ZNF286A: variants seen among roughly 807,000 people sequenced by gnomAD.
ZNF286A encodes zinc finger protein 286A.
In ZNF286A, 34 loss-of-function variants were observed where a neutral mutation model predicts 49.3. The observed-to-expected ratio is 0.69, with a 90% CI of 0.52 to 0.92. The LOEUF is 0.92. ZNF286A is among the 40% of genes least tolerant of loss of function. The probability of loss-of-function intolerance (pLI) is 0.00; values close to 1 mark genes in which losing one functional copy is unlikely to be tolerated. For synonymous variants in ZNF286A, 155 were observed against 200.4 expected (o/e 0.77, Z 1.91); for missense variants, 462 against 600.2 (o/e 0.77, Z 2.41).
In ZNF286A at chr17:15,717,893, C is replaced by T. The variant is rs1285911166; in HGVS notation, c.*603C>T. 4.7e-5 allele frequency: 7 copies of T among 150,024 alleles called. No homozygotes were observed. The highest frequency in any genetic ancestry group is 2.0e-4 in the Admixed American group (3 of 15,052). The allele number at this position is 150,024 out of a possible 1,614,324, so 9.3% of individuals were successfully genotyped here. On this transcript the variant is annotated 3_prime_UTR_variant, in exon 6 of 6. Coordinates refer to ENST00000583566, the MANE Select transcript of ZNF286A (RefSeq NM_001130842.2). Reference sequence around the variant, plus strand: ...TGGGATGTATAATATTTACAGACAACTCTAAGTTACGTTCACATGGATTAT... The same window carrying T: ...TGGGATGTATAATATTTACAGACAATTCTAAGTTACGTTCACATGGATTAT...
chr17:15,712,082 C>T (rs533925585), intron 5 of ZNF286A, among the ~76,000 whole-genome samples: 63 of 152,260 alleles, frequency 4.1e-4, no homozygotes, highest in African/African-American at 1.4e-3. Flanking sequence ...CCGTGTTAGC[C>T]GGGATGATCT....
At chr17:15,710,071 T>C (rs1345293683) in intron 5 of ZNF286A, 1 of 565,530 alleles carries the variant, frequency 1.8e-6, no homozygotes, top group African/African-American at 1.9e-5. Flanking sequence ...TTCAAGTTTC[T>C]TGTGAGTTAC....
intron 5 of ZNF286A, among the ~76,000 whole-genome samples, chr17:15,708,809 TTTTTG>T (rs1806062967): frequency 6.6e-6 from 1 of 152,242 alleles, no homozygotes; most frequent in Non-Finnish European, 1.5e-5. Context: ...ATTGTATAAT[TTTTTG>T]TTTTGTTAAT....
Position 15,719,127 on chromosome 17 carries a change from G to GCA in ZNF286A, c.*1837_*1838insCA, listed in dbSNP as rs1567717398. On this transcript the variant is annotated 3_prime_UTR_variant, in exon 6 of 6. Transcript: ENST00000583566. ...TTGGGTGGGGATACAGATCTAAACT[G>GCA]TATCATTACTCAAAAAAAAAAAAAA... 3 of 89,788 alleles carry GCA rather than the reference G, an allele frequency of 3.3e-5. No individual in the cohort carries two copies. Among genetic ancestry groups the GCA allele is most frequent in the African/African-American group, 1.6e-4 (3 of 19,072 alleles). The allele number at this position is 89,788 out of a possible 1,614,324, so 5.6% of individuals were successfully genotyped here.
At position 15,708,232 on chromosome 17, in the gene ZNF286A, A is replaced by C. The variant is rs140243513; in HGVS notation, c.319A>C (p.Lys107Gln). The C allele has an allele frequency of 1.9e-3, 3,098 of 1,590,144 alleles. 4 individuals are homozygous for C. The highest frequency in any genetic ancestry group is 3.1e-3 in the Admixed American group (176 of 57,052). ...EPLKLERKAP[K>Q]SSYSDMETRP... ...ATTGAAGCTTGAGAGAAAAGCCCCCAAAAGCAGCTATTCAGGTGAGCCAGA... is the reference window on the plus strand; with the variant it reads ...ATTGAAGCTTGAGAGAAAAGCCCCCCAAAGCAGCTATTCAGGTGAGCCAGA... The change falls in exon 5 of 6, where the codon AAA (lysine) becomes CAA (glutamine). Residue 107 changes from lysine to glutamine, a missense_variant. Around this residue, in one of 3 missense-constraint regions of ZNF286A, gnomAD observed 259 missense variants for 272.2 expected, o/e 0.95. Coordinates refer to ENST00000583566, the MANE Select transcript of ZNF286A (RefSeq NM_001130842.2).
At position 15,717,145 on chromosome 17, in the gene ZNF286A, C is replaced by G. The variant is rs1458279439; in HGVS notation, c.1421C>G (p.Ala474Gly). 2 of 1,613,192 alleles carry G rather than the reference C, an allele frequency of 1.2e-6. No homozygotes were observed. The highest frequency in any genetic ancestry group is 4.5e-5 in the East Asian group (2 of 44,846). Reference protein sequence around the residue: ...KPYKCSECGKAFIHSSALIQH... With the variant: ...KPYKCSECGKGFIHSSALIQH... ...TACAAATGTAGCGAGTGTGGAAAAG[C>G]CTTCATTCATTCATCAGCTCTCATT... The change falls in exon 6 of 6, where the codon GCC becomes GGC. Residue 474 changes from alanine (A) to glycine (G), a missense_variant. Physicochemically the swap from Ala to Gly is moderately conservative, Grantham distance 60. Around this residue, in one of 3 missense-constraint regions of ZNF286A, gnomAD observed 201 missense variants for 311.3 expected, o/e 0.65. Coordinates refer to ENST00000583566, the MANE Select transcript of ZNF286A (RefSeq NM_001130842.2).
chr17:15,705,806 C>T (rs530104417), intron 3 of ZNF286A, among the ~76,000 whole-genome samples: 3 of 152,248 alleles, frequency 2.0e-5, no homozygotes, highest in Admixed American at 6.5e-5. Flanking sequence ...TATAATCTTA[C>T]GATATTTTAT....
At chr17:15,708,096 C>T in intron 4 of ZNF286A, 59 bp from the exon 5 acceptor site, 1 of 1,269,060 alleles carries the variant, frequency 7.9e-7, no homozygotes, top group Non-Finnish European at 1.0e-6. Context: ...AAAACTTCCA[C>T]AAATAACTTA....
At chr17:15,707,489 G>C (rs7210005) in intron 4 of ZNF286A, among the ~76,000 whole-genome samples, 1 of 151,306 alleles carries the variant, frequency 6.6e-6, no homozygotes, top group Non-Finnish European at 1.5e-5. Flanking sequence ...AGAAGGAAAG[G>C]AAAAACATTA....
At chr17:15,704,794 T>C in intron 3 of ZNF286A, 1 of 1,613,854 alleles carries the variant, frequency 6.2e-7, no homozygotes, top group South Asian at 1.1e-5. Flanking sequence ...GTCCTCCTCG[T>C]TGGGAAAGAC....
chr17:15,704,465 C>T (rs1280325828), intron 3 of ZNF286A: 6 of 1,612,964 alleles, frequency 3.7e-6, no homozygotes, highest in Non-Finnish European at 5.1e-6. Flanking sequence ...CGGGCCCGAG[C>T]CGCATACTCC....
At chr17:15,703,096 A>G (rs530491567) in intron 3 of ZNF286A, among the ~76,000 whole-genome samples, 2 of 152,290 alleles carry the variant, frequency 1.3e-5, no homozygotes, top group South Asian at 4.1e-4. Context: ...ATTTAAGTGT[A>G]ATTCTTTATA....
intron 5 of ZNF286A, among the ~76,000 whole-genome samples, chr17:15,715,275 T>TA (rs1966972543): frequency 6.6e-6 from 1 of 151,846 alleles, no homozygotes. Flanking sequence ...TTTTTCTTTA[T>TA]AAAAAAGTAG....
chr17:15,705,549 TCA>T (rs1174362376), intron 3 of ZNF286A, among the ~76,000 whole-genome samples: 1 of 152,204 alleles, frequency 6.6e-6, no homozygotes, highest in Non-Finnish European at 1.5e-5. Flanking sequence ...ATATATTTTC[TCA>T]GTTATTATAA....
intron 5 of ZNF286A, among the ~76,000 whole-genome samples, chr17:15,714,818 T>C (rs1360016656): frequency 6.6e-6 from 1 of 152,082 alleles, no homozygotes; most frequent in Admixed American, 6.5e-5. Flanking sequence ...AGAAGATGAA[T>C]AGATAGATGA....
In ZNF286A at chr17:15,706,510, G is replaced by T. The variant is rs374168281; in HGVS notation, c.241+9G>T. ...GAACCTAGTCTCACTTTGTAAGAATGGATTGTGATTCTGGAATCTGCTTAT... is the reference window on the plus strand; with the variant it reads ...GAACCTAGTCTCACTTTGTAAGAATTGATTGTGATTCTGGAATCTGCTTAT... On this transcript the variant is annotated intron_variant, in intron 4 of 5. Transcript: ENST00000583566. The T allele has an allele frequency of 4.4e-5, 70 of 1,577,548 alleles. No individual in the cohort carries two copies. Among genetic ancestry groups the T allele is most frequent in the Non-Finnish European group, 5.9e-5 (68 of 1,159,458 alleles).
At chr17:15,711,314 T>C (rs1990630235) in intron 5 of ZNF286A, 1 of 152,260 alleles carries the variant, frequency 6.6e-6, no homozygotes, top group African/African-American at 2.4e-5. Context: ...CTCTGTTTAC[T>C]AGTATATTCT....
rs1967167134 is a variant in ZNF286A, at chr17:15,718,050, C to T, written c.*760C>T. ...CCAGGTTCATGCCATTCTCTTGTCT[C>T]AGCCTCCCAAGTAGCTGGGACTACA... is the stretch of plus-strand genomic sequence containing the variant. On this transcript the variant is annotated 3_prime_UTR_variant, in exon 6 of 6. Transcript: ENST00000583566. The T allele has an allele frequency of 6.8e-6, 1 of 147,626 alleles. No individual in the cohort carries two copies. Among genetic ancestry groups the T allele is most frequent in the Non-Finnish European group, 1.5e-5 (1 of 67,522 alleles). 9.1% of individuals were successfully genotyped at this position (147,626 alleles called of 1,614,324 possible).
At position 15,704,946 on chromosome 17, in the gene ZNF286A, T is replaced by A. The variant is rs963114396; in HGVS notation, c.127-1441T>A. 6.0e-6 allele frequency: 9 copies of A among 1,504,410 alleles called. No homozygotes were observed. The Middle Eastern group carries it at 9.6e-4, about 160-fold the overall frequency. The allele number at this position is 1,504,410 out of a possible 1,614,324, so 93.2% of individuals were successfully genotyped here. ...GGGTCCCCCCGGCCCCCTTCCTGCG[T>A]TCTTCGGTCCGCCGGCCGGGGCGGG... On this transcript the variant is annotated intron_variant, in intron 3 of 5. Transcript: ENST00000583566.
Sources: gnomAD v4.1 joint callset for allele counts (sites outside exome capture counted in the v4.1 genomes callset) on GRCh38, gnomAD v4.1.1 for gene constraint, gnomAD v4.1.1 regional missense constraint, MANE v1.5 for transcripts, NCBI Gene and HGNC (gene_info 2026-07-23, HGNC 2026-07-21) for gene names.